The following CCSER1 variants were observed in gnomAD, a reference collection of about 807,000 sequenced individuals.
CCSER1 encodes serine-rich coiled-coil domain-containing protein 1.
A neutral mutation model predicts 82.0 loss-of-function variants in CCSER1; 41 were observed. That is an observed-to-expected ratio of 0.50 (90% CI 0.39 to 0.65). The LOEUF (loss-of-function observed/expected upper bound fraction) is 0.65, where lower values mean the gene tolerates loss of function less well. CCSER1 is among the 30% of genes least tolerant of loss of function. CCSER1 has a pLI of 0.00. For synonymous variants in CCSER1, 414 were observed against 383.9 expected, an observed-to-expected ratio of 1.08 and a Z score of -0.92; for missense variants, 1,119 against 1,064.2, an observed-to-expected ratio of 1.05 and a Z score of -0.72.
Position 90,203,608 on chromosome 4 carries a change from G to C in CCSER1, c.-42+75777G>C, listed in dbSNP as rs530972094. ...TCCAGTTTATCATTGATGGGCATTT[G>C]AGTTGGTTCCAAGTCTTTGCTATTG... is the stretch of plus-strand genomic sequence containing the variant. On this transcript the variant is annotated intron_variant, in intron 1 of 10. Coordinates refer to ENST00000509176, the MANE Select transcript of CCSER1 (RefSeq NM_001145065.2). Among the ~76,000 whole-genome samples the C allele has an allele frequency of 1.6e-4, 25 of 152,308 alleles. 1 individual carries two copies. The South Asian group carries it at 5.0e-3, about 30-fold the overall frequency.
chr4:90,998,511 A>G lies in CCSER1; in HGVS notation c.2172+75064A>G, dbSNP rs373617142. 7.9e-5 allele frequency among the ~76,000 whole-genome samples: 12 copies of G among 152,320 alleles called. No individual in the cohort carries two copies. The East Asian group carries it at 1.7e-3, about 22-fold the overall frequency. Reference sequence around the variant, plus strand: ...AAATATGAAATTACATTTCGTTTTTAATATTCTATACTTTTCTATGGGGAT... The same window carrying G: ...AAATATGAAATTACATTTCGTTTTTGATATTCTATACTTTTCTATGGGGAT... On this transcript the variant is annotated intron_variant, in intron 9 of 10. Coordinates refer to ENST00000509176, the MANE Select transcript of CCSER1 (RefSeq NM_001145065.2).
chr4:90,634,525 A>T (rs995735020), intron 6 of CCSER1, among the ~76,000 whole-genome samples: 1 of 151,698 alleles, frequency 6.6e-6, no homozygotes, highest in Non-Finnish European at 1.5e-5. Flanking sequence ...GTTTGGTGGG[A>T]ATTTTTAAAG....
intron 10 of CCSER1, among the ~76,000 whole-genome samples, chr4:91,228,713 A>C (rs372380598): frequency 1.2e-3 from 190 of 152,230 alleles, no homozygotes; most frequent in African/African-American, 4.4e-3. Flanking sequence ...GAATAAATGG[A>C]ATCTGCCACC....
intron 10 of CCSER1, among the ~76,000 whole-genome samples, chr4:91,186,052 G>C (rs576211221): frequency 2.6e-5 from 4 of 152,144 alleles, no homozygotes; most frequent in Non-Finnish European, 4.4e-5. Context: ...TCACCCTCTC[G>C]TCTAGCTTGC....
At chr4:90,158,225 T>C (rs1289693258) in intron 1 of CCSER1, among the ~76,000 whole-genome samples, 1 of 152,162 alleles carries the variant, frequency 6.6e-6, no homozygotes, top group Non-Finnish European at 1.5e-5. Flanking sequence ...TGTCTGATCG[T>C]TCCTCTGGAA....
chr4:91,154,069 T>G lies in CCSER1; in HGVS notation c.2217+68075T>G, dbSNP rs368858267. Reference sequence around the variant, plus strand: ...CTGGGACATTTAAGTCTGCAGAAGTTTCTGCTACCTTTTGTTCAGCTATGC... The same window carrying G: ...CTGGGACATTTAAGTCTGCAGAAGTGTCTGCTACCTTTTGTTCAGCTATGC... On this transcript the variant is annotated intron_variant, in intron 10 of 10. Coordinates refer to ENST00000509176, the MANE Select transcript of CCSER1 (RefSeq NM_001145065.2). Among the ~76,000 whole-genome samples, 446 of 152,106 alleles carry G rather than the reference T, an allele frequency of 2.9e-3. 2 individuals are homozygous for G. The highest frequency in any genetic ancestry group is 0.01 in the African/African-American group (420 of 41,554).
chr4:90,342,783 C>T (rs1374712010), intron 3 of CCSER1, among the ~76,000 whole-genome samples: 2 of 152,130 alleles, frequency 1.3e-5, no homozygotes, highest in Non-Finnish European at 2.9e-5. Context: ...ATAGTTTCCT[C>T]ATTGTTACCA....
intron 10 of CCSER1, among the ~76,000 whole-genome samples, chr4:91,577,542 T>C (rs73836231): frequency 0.069 from 10,423 of 152,074 alleles, 389 homozygotes; most frequent in Middle Eastern, 0.099. Context: ...TTAATTACAA[T>C]GAATAGTATT....
In CCSER1 at chr4:90,892,357, T is replaced by C. The variant is rs145974396; in HGVS notation, c.2095-31013T>C. Among the ~76,000 whole-genome samples, 188 of 152,086 alleles carry C rather than the reference T, an allele frequency of 1.2e-3. 1 individual carries two copies. The highest frequency in any genetic ancestry group is 4.2e-3 in the African/African-American group (173 of 41,566). On this transcript the variant is annotated intron_variant, in intron 8 of 10. Coordinates refer to ENST00000509176, the MANE Select transcript of CCSER1 (RefSeq NM_001145065.2). ...AGATTAGGATTACATATACAAAGAA[T>C]ATGTAAAGTCACATAAAGCTGTAAA... is the stretch of plus-strand genomic sequence containing the variant.
Position 91,534,368 on chromosome 4 carries a change from A to G in CCSER1, c.2218-64204A>G, listed in dbSNP as rs57087202. 5.4e-3 allele frequency among the ~76,000 whole-genome samples: 825 copies of G among 152,068 alleles called. 7 individuals are homozygous for G. Among genetic ancestry groups the G allele is most frequent in the African/African-American group, 0.019 (777 of 41,538 alleles). On this transcript the variant is annotated intron_variant, in intron 10 of 10. Coordinates refer to ENST00000509176, the MANE Select transcript of CCSER1 (RefSeq NM_001145065.2). Reference sequence around the variant, plus strand: ...TGGTTTTAAGTATGTATCTAAATTTAATGTTCTTGGAATTTTTCAGGCAGA... The same window carrying G: ...TGGTTTTAAGTATGTATCTAAATTTGATGTTCTTGGAATTTTTCAGGCAGA...
intron 10 of CCSER1, among the ~76,000 whole-genome samples, chr4:91,398,917 G>A (rs1439671539): frequency 6.6e-6 from 1 of 151,898 alleles, no homozygotes; most frequent in Admixed American, 6.6e-5. Context: ...ACCAGTGTTT[G>A]AGGAGCACTA....
chr4:91,377,664 A>G (rs139390236), intron 10 of CCSER1, among the ~76,000 whole-genome samples: 2,987 of 152,180 alleles, frequency 0.02, 76 homozygotes, highest in African/African-American at 0.067. Context: ...TTGTTAGATG[A>G]GTAGATTGCA....
chr4:90,941,527 A>T (rs1731579560), intron 9 of CCSER1, among the ~76,000 whole-genome samples: 1 of 152,090 alleles, frequency 6.6e-6, no homozygotes, highest in Non-Finnish European at 1.5e-5. Flanking sequence ...ACAAAATGCA[A>T]TTTCTTTTTC....
chr4:90,325,116 G>A (rs1737910461), intron 3 of CCSER1, among the ~76,000 whole-genome samples: 1 of 152,066 alleles, frequency 6.6e-6, no homozygotes. Context: ...CTGACTTTTG[G>A]TTCTTATGAA....
rs909383708 is a variant in CCSER1 at position 90,688,656 on chromosome 4, T to C, written c.1933-35258T>C. On this transcript the variant is annotated intron_variant, in intron 6 of 10. Coordinates refer to ENST00000509176, the MANE Select transcript of CCSER1 (RefSeq NM_001145065.2). ...ATGATGTTTTATGATGGTGGTTATG[T>C]GTCTCCTGTGAGCCTGTTCCCACAT... Among the ~76,000 whole-genome samples the C allele has an allele frequency of 3.8e-4, 58 of 152,152 alleles. 1 individual carries two copies. The highest frequency in any genetic ancestry group is 1.3e-3 in the African/African-American group (52 of 41,442).
chr4:91,183,112 G>A (rs1027468907), intron 10 of CCSER1, among the ~76,000 whole-genome samples: 3 of 152,180 alleles, frequency 2.0e-5, no homozygotes, highest in African/African-American at 7.2e-5. Flanking sequence ...TGTAAAATGG[G>A]TGCATTCTAC....
chr4:90,383,491 A>C (rs1030541386), intron 3 of CCSER1, among the ~76,000 whole-genome samples: 2 of 152,178 alleles, frequency 1.3e-5, no homozygotes, highest in Non-Finnish European at 2.9e-5. Flanking sequence ...TTCTCTTTCA[A>C]AACTTTCCAA....
chr4:90,427,965 C>G (rs1403828786), intron 4 of CCSER1, among the ~76,000 whole-genome samples: 2 of 151,772 alleles, frequency 1.3e-5, no homozygotes, highest in Non-Finnish European at 3.0e-5. Flanking sequence ...TTAGCTGGAT[C>G]TTTTATTATT....
intron 10 of CCSER1, among the ~76,000 whole-genome samples, chr4:91,145,436 GT>G (rs1219875114): frequency 6.6e-6 from 1 of 152,080 alleles, no homozygotes; most frequent in Non-Finnish European, 1.5e-5. Flanking sequence ...TAAGTAGGGT[GT>G]TTAGACCATT....
Sources: gnomAD v4.1 joint callset for allele counts (sites outside exome capture counted in the v4.1 genomes callset) on GRCh38, gnomAD v4.1.1 for gene constraint, MANE v1.5 for transcripts, NCBI Gene and HGNC (gene_info 2026-07-23, HGNC 2026-07-21) for gene names.